Variants in RIMS2 observed in about 807,000 individuals in gnomAD.
RIMS2 encodes the protein regulating synaptic membrane exocytosis protein 2.
RIMS2 carries 59 observed loss-of-function variants against 174.4 expected under a neutral mutation model. The ratio of observed to expected loss-of-function variants is 0.34; its 90% CI spans 0.27 to 0.42. The LOEUF (loss-of-function observed/expected upper bound fraction) is 0.42. Among genes scored for constraint, RIMS2 ranks in the 10% least tolerant of loss-of-function variants. The pLI is 1.00. For synonymous variants in RIMS2, 606 were observed against 572.5 expected, an observed-to-expected ratio of 1.06 and a Z score of -0.84; for missense variants, 1,620 against 1,666.3, an observed-to-expected ratio of 0.97 and a Z score of 0.48.
chr8:104,128,830 AAT>A (rs767807807), intron 19 of RIMS2, among the ~76,000 whole-genome samples: 3 of 152,234 alleles, frequency 2.0e-5, no homozygotes, highest in Non-Finnish European at 4.4e-5. Context: ...TAAATTAAAA[AAT>A]AGTTACACCT....
intron 1 of RIMS2, among the ~76,000 whole-genome samples, chr8:103,553,984 A>G (rs1849264613): frequency 6.6e-6 from 1 of 152,154 alleles, no homozygotes; most frequent in Admixed American, 6.5e-5. Context: ...GTGCTGGAAT[A>G]ACTGGGTAGT....
chr8:103,756,327 G>T (rs927980577), intron 2 of RIMS2, among the ~76,000 whole-genome samples: 1 of 150,418 alleles, frequency 6.6e-6, no homozygotes, highest in African/African-American at 2.4e-5. Flanking sequence ...GACCGGAGCC[G>T]TTCCTAGTCG....
chr8:103,604,500 AT>A (rs1385040424), intron 1 of RIMS2, among the ~76,000 whole-genome samples: 3 of 152,036 alleles, frequency 2.0e-5, no homozygotes, highest in Non-Finnish European at 2.9e-5. Flanking sequence ...TTGGTTCCAT[AT>A]GAACTTTAAA....
chr8:103,825,236 T>C (rs1335198155), intron 3 of RIMS2, among the ~76,000 whole-genome samples: 1 of 152,114 alleles, frequency 6.6e-6, no homozygotes, highest in African/African-American at 2.4e-5. Flanking sequence ...TAGAAGGTAA[T>C]CTTTTTTTGA....
intron 19 of RIMS2, among the ~76,000 whole-genome samples, chr8:104,100,411 C>CT (rs1312174148): frequency 5.9e-5 from 9 of 152,066 alleles, no homozygotes. Flanking sequence ...TTTACTTTCT[C>CT]TTTCAATCTG....
intron 1 of RIMS2, among the ~76,000 whole-genome samples, chr8:103,546,044 A>T (rs1348437719): frequency 6.6e-6 from 1 of 152,194 alleles, no homozygotes; most frequent in Non-Finnish European, 1.5e-5. Context: ...ACTAACCTGG[A>T]ATGTAAACAA....
chr8:103,553,716 T>C (rs1849104850), intron 1 of RIMS2, among the ~76,000 whole-genome samples: 2 of 152,056 alleles, frequency 1.3e-5, no homozygotes, highest in Non-Finnish European at 1.5e-5. Flanking sequence ...GAAATTCATA[T>C]GGAACCAAAA....
chr8:103,714,035 T>A (rs1251407863), intron 2 of RIMS2, among the ~76,000 whole-genome samples: 1 of 152,190 alleles, frequency 6.6e-6, no homozygotes, highest in Non-Finnish European at 1.5e-5. Context: ...TCTTTGGGTA[T>A]CTCCTGTGAA....
intron 3 of RIMS2, among the ~76,000 whole-genome samples, chr8:103,795,147 G>A (rs564993772): frequency 6.6e-6 from 1 of 152,296 alleles, no homozygotes; most frequent in African/African-American, 2.4e-5. Context: ...TGTGTTTATT[G>A]TGGCACTATT....
At position 104,084,437 on chromosome 8, in the gene RIMS2, C is replaced by CAAAAAAAA. The variant is rs34285862; in HGVS notation, c.3334+69834_3334+69841dup. On this transcript the variant is annotated intron_variant, in intron 19 of 23. Transcript: ENST00000504942. ...TGGGCGACTGAGCAAGACTCTGTCT[C>CAAAAAAAA]AAAAAAAAAAAAAAAAAAACTAAAG... Among the ~76,000 whole-genome samples the CAAAAAAAA allele has an allele frequency of 3.4e-4, 26 of 76,656 alleles. No individual in the cohort carries two copies. The East Asian group carries it at 5.7e-3, about 17-fold the overall frequency. 50.3% of individuals were successfully genotyped at this position (76,656 alleles called of 152,430 possible). A position where few individuals can be genotyped will look rare whatever the true frequency, so the allele number is the denominator to read the frequency against.
intron 13 of RIMS2, among the ~76,000 whole-genome samples, chr8:103,940,031 C>A (rs926669659): frequency 6.6e-6 from 1 of 152,180 alleles, no homozygotes; most frequent in African/African-American, 2.4e-5. Flanking sequence ...GTCTTCTGAG[C>A]CCTCCAAACT....
chr8:104,147,006 T>C (rs764476709), intron 19 of RIMS2, among the ~76,000 whole-genome samples: 6 of 152,164 alleles, frequency 3.9e-5, no homozygotes, highest in Non-Finnish European at 8.8e-5. Flanking sequence ...AAAATTGCTA[T>C]ATAACAGAAA....
intron 17 of RIMS2, among the ~76,000 whole-genome samples, chr8:103,996,188 A>C (rs904330862): frequency 5.9e-5 from 9 of 151,908 alleles, no homozygotes; most frequent in Admixed American, 5.9e-4. Context: ...GGCCAAATGG[A>C]TAGAGATCTA....
chr8:103,503,307 C>A (rs886197173), intron 1 of RIMS2, among the ~76,000 whole-genome samples: 1 of 150,322 alleles, frequency 6.7e-6, no homozygotes, highest in Non-Finnish European at 1.5e-5. Context: ...TTTTTTTTAA[C>A]GAAAGAGTAG....
intron 19 of RIMS2, among the ~76,000 whole-genome samples, chr8:104,036,133 T>TTTTATTTATTTA (rs142714435): frequency 6.8e-6 from 1 of 146,810 alleles, no homozygotes; most frequent in East Asian, 2.0e-4. Flanking sequence ...ATTTATTTTA[T>TTTTATTTATTTA]TTTATTTATT....
At chr8:104,139,196 A>C (rs1160424040) in intron 19 of RIMS2, among the ~76,000 whole-genome samples, 1 of 152,082 alleles carries the variant, frequency 6.6e-6, no homozygotes, top group African/African-American at 2.4e-5. Flanking sequence ...AAGTCAGATA[A>C]TGTGATTCCT....
chr8:103,731,163 G>T (rs2097588293), intron 2 of RIMS2, among the ~76,000 whole-genome samples: 1 of 152,118 alleles, frequency 6.6e-6, no homozygotes, highest in Non-Finnish European at 1.5e-5. Flanking sequence ...GGGAATTGTG[G>T]GAGCTACAAT....
chr8:104,062,752 T>C (rs1478185988), intron 19 of RIMS2, among the ~76,000 whole-genome samples: 2 of 152,170 alleles, frequency 1.3e-5, no homozygotes, highest in African/African-American at 4.8e-5. Flanking sequence ...TTGGCTTTTT[T>C]AGTTTTGTTC....
chr8:103,959,223 A>G (rs1437351124), intron 14 of RIMS2, among the ~76,000 whole-genome samples: 9 of 151,892 alleles, frequency 5.9e-5, no homozygotes, highest in African/African-American at 1.9e-4. Context: ...AGGAAGTGAA[A>G]GAGAAATTGC....
Sources: allele counts gnomAD v4.1 joint callset (sites outside exome capture counted in the v4.1 genomes callset), GRCh38; gene constraint gnomAD v4.1.1; transcripts MANE v1.5; gene names NCBI Gene and HGNC (gene_info 2026-07-23, HGNC 2026-07-21).